The following ADCY1 variants were observed in gnomAD, a reference collection of about 807,000 sequenced individuals.
ADCY1 encodes the protein adenylate cyclase type 1.
ADCY1 carries 28 observed loss-of-function variants against 105.4 expected under a neutral mutation model. The observed-to-expected ratio is 0.27, with a 90% CI of 0.20 to 0.36. The LOEUF is 0.36. ADCY1 is among the 10% of genes least tolerant of loss of function. ADCY1 has a pLI of 1.00. For missense variants in ADCY1, 977 were observed against 1,434.2 expected (o/e 0.68, Z 5.15); for synonymous variants, 655 against 623.8 (o/e 1.05, Z -0.75).
At chr7:45,577,285 T>C (rs1792377956) in intron 1 of ADCY1, among the ~76,000 whole-genome samples, 1 of 152,186 alleles carries the variant, frequency 6.6e-6, no homozygotes, top group African/African-American at 2.4e-5. Context: ...ATATTGGCCT[T>C]TTTAGAATGT....
intron 8 of ADCY1, among the ~76,000 whole-genome samples, chr7:45,670,702 AG>A (rs1784349032): frequency 6.6e-6 from 1 of 151,214 alleles, no homozygotes; most frequent in Non-Finnish European, 1.5e-5. Context: ...GACCACAGGG[AG>A]GATCTGTGTC....
At chr7:45,709,482 G>A (rs1001473351) in intron 18 of ADCY1, among the ~76,000 whole-genome samples, 8 of 152,162 alleles carry the variant, frequency 5.3e-5, no homozygotes, top group African/African-American at 1.9e-4. Flanking sequence ...TTAGCAGAGG[G>A]TGCTCCCTAA....
At chr7:45,578,688 C>T (rs1030341018) in intron 1 of ADCY1, among the ~76,000 whole-genome samples, 5 of 152,226 alleles carry the variant, frequency 3.3e-5, no homozygotes, top group Non-Finnish European at 5.9e-5. Context: ...GGGCCCCAGT[C>T]CTTCCCACAG....
chr7:45,693,731 A>G (rs565247104), intron 14 of ADCY1, among the ~76,000 whole-genome samples: 2,017 of 149,636 alleles, frequency 0.013, 33 homozygotes, highest in African/African-American at 0.046. Flanking sequence ...TCCAACAATG[A>G]TAGACTGGAT....
At chr7:45,629,673 T>C (rs1304649713) in intron 4 of ADCY1, among the ~76,000 whole-genome samples, 6 of 152,172 alleles carry the variant, frequency 3.9e-5, no homozygotes, top group Non-Finnish European at 7.4e-5. Context: ...CGCCCGCCAC[T>C]GCGCCCGGCT....
intron 2 of ADCY1, among the ~76,000 whole-genome samples, chr7:45,597,690 A>G (rs1251015685): frequency 6.6e-6 from 1 of 152,194 alleles, no homozygotes; most frequent in Admixed American, 6.5e-5. Flanking sequence ...TGCCAGTCTC[A>G]AGGGGTGAGG....
At position 45,651,756 on chromosome 7, in the gene ADCY1, T is replaced by C. The variant is rs1794817794; in HGVS notation, c.1148+2959T>C. 2.0e-5 allele frequency among the ~76,000 whole-genome samples: 3 copies of C among 152,166 alleles called. No individual in the cohort carries two copies. The South Asian group carries it at 6.2e-4, about 32-fold the overall frequency. ...TTTCAGTAATTGCCCACTGACTTCC[T>C]CTTTTAATAGAGTCCTCGGTGGCAG... On this transcript the variant is annotated intron_variant, in intron 5 of 19. Coordinates refer to ENST00000297323, the MANE Select transcript of ADCY1 (RefSeq NM_021116.4).
At position 45,715,544 on chromosome 7, in the gene ADCY1, A is replaced by T. The variant is rs1238461722; in HGVS notation, c.*1549A>T. 1 of 152,070 alleles carries T rather than the reference A, an allele frequency of 6.6e-6. No individual in the cohort carries two copies. Among genetic ancestry groups the T allele is most frequent in the African/African-American group, 2.4e-5 (1 of 41,342 alleles). The allele number at this position is 152,070 out of a possible 1,614,324, so 9.4% of individuals were successfully genotyped here. A position where few individuals can be genotyped will look rare whatever the true frequency, so the allele number is the denominator to read the frequency against. On this transcript the variant is annotated 3_prime_UTR_variant, in exon 20 of 20. Transcript: ENST00000297323. ...CCTGGAGTGTAGACCTGTGTGTGGG[A>T]CCTGCTCCAGGCTGATCCCTGTCCG...
rs1785490936 is a variant in ADCY1 at position 45,722,246 on chromosome 7, C to A, written c.*8251C>A. The A allele has an allele frequency of 1.2e-5, 2 of 171,300 alleles. No individual in the cohort carries two copies. Among genetic ancestry groups the A allele is most frequent in the African/African-American group, 2.4e-5 (1 of 42,288 alleles). The allele number at this position is 171,300 out of a possible 1,614,324, so 10.6% of individuals were successfully genotyped here. On this transcript the variant is annotated 3_prime_UTR_variant, in exon 20 of 20. Coordinates refer to ENST00000297323, the MANE Select transcript of ADCY1 (RefSeq NM_021116.4). ...AGAGATGTATGGTCTTGCCTTCCACCTGTAAAAACTGCACATATGCAAGCC... is the reference window on the plus strand; with the variant it reads ...AGAGATGTATGGTCTTGCCTTCCACATGTAAAAACTGCACATATGCAAGCC...
intron 3 of ADCY1, among the ~76,000 whole-genome samples, chr7:45,610,862 A>AGGT (rs1562687318): frequency 3.6e-5 from 3 of 84,462 alleles, no homozygotes; most frequent in African/African-American, 9.4e-5. Flanking sequence ...GGAGTTGTGG[A>AGGT]GATGATGGTG....
chr7:45,624,848 C>T (rs554600787), intron 4 of ADCY1, among the ~76,000 whole-genome samples: 73 of 152,286 alleles, frequency 4.8e-4, no homozygotes, highest in Admixed American at 1.4e-3. Flanking sequence ...TCTCTCTCAC[C>T]GTGCTTGGAG....
At position 45,591,844 on chromosome 7, in the gene ADCY1, G is replaced by C. The variant is rs1419117328; in HGVS notation, c.640-915G>C. Among the ~76,000 whole-genome samples the C allele has an allele frequency of 2.0e-5, 3 of 152,130 alleles. No homozygotes were observed. The highest frequency in any genetic ancestry group is 4.8e-5 in the African/African-American group (2 of 41,416). On this transcript the variant is annotated intron_variant, in intron 1 of 19. Transcript: ENST00000297323. The surrounding 1 kb of genome is among the most constrained non-coding windows in gnomAD (Gnocchi z 4.1). ...CCCCAGGTGCCTGATGCCTGGGTCT[G>C]AGCCTGGTTCTGAGCCTGGAGTGTG...
rs1358902366 is a variant in ADCY1 at position 45,575,160 on chromosome 7, A to C, written c.617A>C (p.Lys206Thr). The C allele has an allele frequency of 1.9e-6, 3 of 1,607,120 alleles. No homozygotes were observed. The highest frequency in any genetic ancestry group is 2.2e-5 in the East Asian group (1 of 44,760). ...GTCACAGCCACCTTGGTCCCCGCCAAGCGCCCACGTCTCTGGAGGACGGTA... is the reference window on the plus strand; with the variant it reads ...GTCACAGCCACCTTGGTCCCCGCCACGCGCCCACGTCTCTGGAGGACGGTA... ...LLVTATLVPA[K>T]RPRLWRTLGA... The change falls in exon 1 of 20, where the codon AAG (lysine) becomes ACG (threonine). Residue 206 changes from lysine (K) to threonine (T), a missense_variant. Lys to Thr is a moderately conservative substitution (Grantham distance 78). Coordinates refer to ENST00000297323, the MANE Select transcript of ADCY1 (RefSeq NM_021116.4). This position sits in a 1 kb window ranked among gnomAD's most constrained non-coding sequence, Gnocchi z 4.7.
chr7:45,629,713 G>A (rs1022134189), intron 4 of ADCY1, among the ~76,000 whole-genome samples: 5 of 151,980 alleles, frequency 3.3e-5, no homozygotes, highest in Admixed American at 6.6e-5. Context: ...TAGAGACGGG[G>A]TTTCACCTTG....
chr7:45,651,558 G>T (rs369658378), intron 5 of ADCY1, among the ~76,000 whole-genome samples: 1 of 152,124 alleles, frequency 6.6e-6, no homozygotes, highest in Non-Finnish European at 1.5e-5. Context: ...ACCTTTCCCC[G>T]CAGGGCTCCA....
chr7:45,712,005 T>C (rs1255210931), intron 19 of ADCY1, among the ~76,000 whole-genome samples: 6 of 115,872 alleles, frequency 5.2e-5, no homozygotes, highest in African/African-American at 2.2e-4. Context: ...TATATTATAT[T>C]AAATATATAT....
chr7:45,682,703 C>T (rs1784584733), intron 11 of ADCY1, among the ~76,000 whole-genome samples: 1 of 152,168 alleles, frequency 6.6e-6, no homozygotes, highest in Non-Finnish European at 1.5e-5. Context: ...GGGACAGGCT[C>T]AGGAGGGTGT....
rs1404267691 is a variant in ADCY1, at chr7:45,633,756, C to T, written c.1020+11013C>T. Among the ~76,000 whole-genome samples, 3 of 143,516 alleles carry T rather than the reference C, an allele frequency of 2.1e-5. No homozygotes were observed. The Admixed American group carries it at 2.2e-4, about 10-fold the overall frequency. The allele number at this position is 143,516 out of a possible 152,430, so 94.2% of individuals were successfully genotyped here. A position where few individuals can be genotyped will look rare whatever the true frequency, so the allele number is the denominator to read the frequency against. ...GGCAGAGGTTGCAGTGAGCCGAGAT[C>T]GTGCCACTGCACTCCAGCCTGGTGA... On this transcript the variant is annotated intron_variant, in intron 4 of 19. Coordinates refer to ENST00000297323, the MANE Select transcript of ADCY1 (RefSeq NM_021116.4).
At chr7:45,671,101 C>T (rs1315164749) in intron 8 of ADCY1, among the ~76,000 whole-genome samples, 1 of 152,214 alleles carries the variant, frequency 6.6e-6, no homozygotes, top group Admixed American at 6.5e-5. Context: ...AGCATGGTTT[C>T]CTCATTATCT....
Sources: allele counts gnomAD v4.1 joint callset (sites outside exome capture counted in the v4.1 genomes callset), GRCh38; gene constraint gnomAD v4.1.1; non-coding constraint Gnocchi (gnomAD v3.1); transcripts MANE v1.5; gene names NCBI Gene and HGNC (gene_info 2026-07-23, HGNC 2026-07-21).